The following PTPN7 variants were observed in gnomAD, a reference collection of about 807,000 sequenced individuals.
The protein encoded by PTPN7 is tyrosine-protein phosphatase non-receptor type 7.
In PTPN7, 33 loss-of-function variants were observed where a neutral mutation model predicts 50.3. The ratio of observed to expected loss-of-function variants is 0.66; its 90% CI spans 0.50 to 0.88. The LOEUF is 0.88. Among genes scored for constraint, PTPN7 ranks in the 40% least tolerant of loss-of-function variants. The pLI, the probability that PTPN7 is intolerant of heterozygous loss-of-function variation, is 0.00. For missense variants in PTPN7, 412 were observed against 475.4 expected, an observed-to-expected ratio of 0.87 and a Z score of 1.24; for synonymous variants, 185 against 186.6, an observed-to-expected ratio of 0.99 and a Z score of 0.07.
At chr1:202,150,250 G>A (rs1329685055) in intron 9 of PTPN7, 61 bp downstream of exon 9, 1 of 1,322,188 alleles carries the variant, frequency 7.6e-7, no homozygotes, top group African/African-American at 1.5e-5. Flanking sequence ...GAACTCTGGG[G>A]CCCAGAGGCA....
intron 5 of PTPN7, 56 bp from the exon 6 acceptor site, chr1:202,154,379 G>A (rs1656410043): frequency 3.2e-6 from 5 of 1,562,714 alleles, no homozygotes; most frequent in Non-Finnish European, 4.3e-6. Context: ...AGAGCTCTGG[G>A]GAGATCCTAG....
At chr1:202,149,649 G>GA (rs111664606) in intron 9 of PTPN7, among the ~76,000 whole-genome samples, 3 of 149,620 alleles carry the variant, frequency 2.0e-5, no homozygotes, top group Admixed American at 1.3e-4. Context: ...AAAGAAGAAA[G>GA]AAAAAAAAAG....
rs1463596658 is a variant in PTPN7, at chr1:202,159,209, C to A, written c.122+72G>T. On this transcript the variant is annotated intron_variant, in intron 2 of 9. Coordinates refer to ENST00000691036, the MANE Select transcript of PTPN7 (RefSeq NM_002832.4). The surrounding 1 kb of genome is among the most constrained non-coding windows in gnomAD (Gnocchi z 4.6). Reference sequence around the variant, plus strand: ...GACCCTGCTGTCAGAGCTGGAGGGGCAGATGGAAGGAAGGGAGGAGCGGAA... The same window carrying A: ...GACCCTGCTGTCAGAGCTGGAGGGGAAGATGGAAGGAAGGGAGGAGCGGAA... 4 of 1,473,698 alleles carry A rather than the reference C, an allele frequency of 2.7e-6. No individual in the cohort carries two copies. In the Admixed American group the frequency reaches 6.9e-5, roughly 25 times the overall value. The allele number at this position is 1,473,698 out of a possible 1,614,324, so 91.3% of individuals were successfully genotyped here.
chr1:202,159,363 A>G lies in PTPN7; in HGVS notation c.40T>C (p.Leu14=), dbSNP rs751930644. The change falls in exon 2 of 10, where the codon TTG becomes CTG. Residue 14 remains leucine (L), a synonymous_variant. Coordinates refer to ENST00000691036, the MANE Select transcript of PTPN7 (RefSeq NM_002832.4). This position sits in a 1 kb window ranked among gnomAD's most constrained non-coding sequence, Gnocchi z 4.6. Reference sequence around the variant, plus strand: ...ATGGCTGCCCCCAAAGACAAGGTCAACGGCTGTGCTCTGGAGCGCCCCCCA... The same window carrying G: ...ATGGCTGCCCCCAAAGACAAGGTCAGCGGCTGTGCTCTGGAGCGCCCCCCA... ...AHGGRSRAQP[L]TLSLGAAMTQ... The G allele has an allele frequency of 2.5e-6, 4 of 1,614,234 alleles. No individual in the cohort carries two copies. Among genetic ancestry groups the G allele is most frequent in the Non-Finnish European group, 3.4e-6 (4 of 1,180,042 alleles).
At chr1:202,154,404 G>A (rs971401463) in intron 5 of PTPN7, 81 bp from the exon 6 acceptor site, 2 of 1,514,208 alleles carry the variant, frequency 1.3e-6, no homozygotes, top group African/African-American at 2.8e-5. Context: ...CTCAGGTGCT[G>A]GGGTCAGCCT....
At chr1:202,160,718 C>T (rs917158536), upstream of PTPN7, 6 of 1,550,506 alleles carry the variant, frequency 3.9e-6, no homozygotes, top group African/African-American at 1.4e-5. This position sits in a 1 kb window ranked among gnomAD's most constrained non-coding sequence, Gnocchi z 4.8. Context: ...GCCGCTGCCA[C>T]CAGGGGTCGG....
Position 202,159,937 on chromosome 1 carries a change from C to T in PTPN7, c.-52-483G>A. 2.0e-6 allele frequency: 2 copies of T among 1,006,656 alleles called. No individual in the cohort carries two copies. Among genetic ancestry groups the T allele is most frequent in the Non-Finnish European group, 2.4e-6 (2 of 843,470 alleles). The allele number at this position is 1,006,656 out of a possible 1,614,324, so 62.4% of individuals were successfully genotyped here. A position where few individuals can be genotyped will look rare whatever the true frequency, so the allele number is the denominator to read the frequency against. ...GCAGCCAGGCAGGCGGGCTCCTGGA[C>T]CCCAGCAGGGTCCTCTCCTAACTGC... On this transcript the variant is annotated intron_variant, in intron 1 of 9. Transcript: ENST00000691036. This position sits in a 1 kb window ranked among gnomAD's most constrained non-coding sequence, Gnocchi z 4.6.
Position 202,159,491 on chromosome 1 carries a change from T to C in PTPN7, c.-52-37A>G, listed in dbSNP as rs1056534003. The C allele has an allele frequency of 6.3e-7, 1 of 1,590,482 alleles. No homozygotes were observed. Among genetic ancestry groups the C allele is most frequent in the Admixed American group, 1.7e-5 (1 of 57,510 alleles). Reference sequence around the variant, plus strand: ...GGCCCTCCGCTGCTGTTCTCTGGCCTGCCTGATTGGCCAGAAGGAGGCTCC... The same window carrying C: ...GGCCCTCCGCTGCTGTTCTCTGGCCCGCCTGATTGGCCAGAAGGAGGCTCC... On this transcript the variant is annotated intron_variant, in intron 1 of 9. Transcript: ENST00000691036. The surrounding 1 kb of genome is among the most constrained non-coding windows in gnomAD (Gnocchi z 4.6).
chr1:202,148,742 G>A (rs1655600016), intron 9 of PTPN7, 43 bp from the exon 10 acceptor site: 2 of 1,565,268 alleles, frequency 1.3e-6, no homozygotes, highest in South Asian at 1.1e-5. Flanking sequence ...GGAGGGTCAG[G>A]GTGCTGGCTG....
At chr1:202,161,505 C>G, upstream of PTPN7, 2 of 1,289,788 alleles carry the variant, frequency 1.6e-6, no homozygotes, top group Non-Finnish European at 2.0e-6. Flanking sequence ...CCTCTGCCCA[C>G]TGCCCCTGCC....
chr1:202,153,169 T>G (rs867967121), intron 7 of PTPN7, among the ~76,000 whole-genome samples: 23 of 151,252 alleles, frequency 1.5e-4, no homozygotes, highest in Non-Finnish European at 2.8e-4. Flanking sequence ...ATTTTGTTTG[T>G]TTTTTTTTGA....
chr1:202,157,264 C>T (rs1216399790), intron 4 of PTPN7, among the ~76,000 whole-genome samples: 1 of 152,182 alleles, frequency 6.6e-6, no homozygotes, highest in African/African-American at 2.4e-5. Context: ...AATCCCAGCA[C>T]TTTGGGAGGC....
At chr1:202,152,476 G>C in intron 8 of PTPN7, 66 bp downstream of exon 8, 3 of 1,555,108 alleles carry the variant, frequency 1.9e-6, no homozygotes, top group Non-Finnish European at 8.7e-7. Flanking sequence ...CCTTCCCCAG[G>C]AGAGACCCAG....
At chr1:202,153,543 G>A (rs1009686469) in intron 7 of PTPN7, among the ~76,000 whole-genome samples, 182 bp downstream of exon 7, 2 of 152,134 alleles carry the variant, frequency 1.3e-5, no homozygotes, top group African/African-American at 4.8e-5. Flanking sequence ...TTGGCTTATT[G>A]GCTCTGCCCT....
Position 202,158,537 on chromosome 1 carries a change from T to TG in PTPN7, c.123-237_123-236insC, listed in dbSNP as rs1210567630. The TG allele has an allele frequency of 8.5e-4, 385 of 453,916 alleles. 3 individuals carry two copies. Among genetic ancestry groups the TG allele is most frequent in the African/African-American group, 7.1e-3 (351 of 49,212 alleles). The allele number at this position is 453,916 out of a possible 1,614,324, so 28.1% of individuals were successfully genotyped here. On this transcript the variant is annotated intron_variant, in intron 2 of 9. Transcript: ENST00000691036. The stretch of plus-strand genomic sequence containing the variant: ...TACCACACCTGGCTAATTTAAGTTT[T>TG]TTTTTTTTTTGGAGAGACAGTGTCT...
At position 202,148,300 on chromosome 1, in the gene PTPN7, G is replaced by T; in HGVS notation, c.*306C>A. On this transcript the variant is annotated 3_prime_UTR_variant, in exon 10 of 10. Transcript: ENST00000691036. The stretch of plus-strand genomic sequence containing the variant: ...TCTCAGAGAACACCAGGACACCTGG[G>T]CTTCTTTCTTTGTCTGTCATAAATG... 1 of 286,898 alleles carries T rather than the reference G, an allele frequency of 3.5e-6. No homozygotes were observed. The highest frequency in any genetic ancestry group is 6.5e-6 in the Non-Finnish European group (1 of 153,808). 17.8% of individuals were successfully genotyped at this position (286,898 alleles called of 1,614,324 possible).
chr1:202,157,606 C>T, intron 4 of PTPN7, 133 bp downstream of exon 4: 1 of 759,626 alleles, frequency 1.3e-6, no homozygotes, highest in Non-Finnish European at 2.2e-6. Context: ...TCCTTCTTCC[C>T]CCTTTCTCTG....
At chr1:202,149,276 C>A (rs1655666450) in intron 9 of PTPN7, among the ~76,000 whole-genome samples, 1 of 152,138 alleles carries the variant, frequency 6.6e-6, no homozygotes, top group Non-Finnish European at 1.5e-5. Context: ...CTTGGTCTTC[C>A]TTGATCCACT....
Position 202,148,686 on chromosome 1 carries a change from G to C in PTPN7, c.1003C>G (p.Gln335Glu), listed in dbSNP as rs1655589427. 5.6e-6 allele frequency: 9 copies of C among 1,613,444 alleles called. No homozygotes were observed. The highest frequency in any genetic ancestry group is 7.6e-6 in the Non-Finnish European group (9 of 1,179,730). Residue 335 changes from glutamine to glutamate, a missense_variant, in exon 10 of 10, where the codon CAG (glutamine) becomes GAG (glutamate). Physicochemically the swap from Gln to Glu is conservative, Grantham distance 29 (BLOSUM62 2). Coordinates refer to ENST00000691036, the MANE Select transcript of PTPN7 (RefSeq NM_002832.4). ...QLRLDRGGMIQTAEQYQFLHH... is the reference protein window; with the variant it reads ...QLRLDRGGMIETAEQYQFLHH... ...AGGAACTGGTACTGCTCTGCCGTCT[G>C]GATCATCCCCCCTCTGCAAGGAGAA...
Sources: gnomAD v4.1 joint callset for allele counts (sites outside exome capture counted in the v4.1 genomes callset) on GRCh38, gnomAD v4.1.1 for gene constraint, Gnocchi (gnomAD v3.1) non-coding constraint, MANE v1.5 for transcripts, NCBI Gene and HGNC (gene_info 2026-07-23, HGNC 2026-07-21) for gene names.